DEFB121: variants seen among roughly 807,000 people sequenced by gnomAD.
DEFB121 encodes defensin beta 121.
Under a neutral mutation model 2.5 loss-of-function variants are expected in DEFB121, and 5 were observed. The ratio of observed to expected loss-of-function variants is 1.96; its 90% CI spans 1.03 to 4.13. The LOEUF is 4.13. Ranked by LOEUF, DEFB121 falls within the 30% of genes most tolerant of loss-of-function variation. DEFB121 has a pLI of 0.00. For synonymous variants in DEFB121, 39 were observed against 32.6 expected (o/e 1.20, Z -0.67); for missense variants, 87 against 85.0 (o/e 1.02, Z -0.09).
upstream of DEFB121, among the ~76,000 whole-genome samples, chr20:31,413,767 G>A (rs548080674): frequency 2.0e-5 from 3 of 152,300 alleles, no homozygotes; most frequent in South Asian, 6.2e-4. Flanking sequence ...ATCCTACAAT[G>A]GGCTTAGAAT....
chr20:31,414,801 A>G (rs1211897262), upstream of DEFB121, among the ~76,000 whole-genome samples: 1 of 152,226 alleles, frequency 6.6e-6, no homozygotes, highest in Non-Finnish European at 1.5e-5. Flanking sequence ...CTGTAGTCCC[A>G]GCACTTTGGG....
upstream of DEFB121, among the ~76,000 whole-genome samples, chr20:31,413,521 C>G (rs1978719323): frequency 6.6e-6 from 1 of 152,176 alleles, no homozygotes. Context: ...ATACATGCTG[C>G]ATATCCACTG....
At chr20:31,417,153 C>T (rs530892462), upstream of DEFB121, among the ~76,000 whole-genome samples, 1 of 152,232 alleles carries the variant, frequency 6.6e-6, no homozygotes, top group Admixed American at 6.5e-5. Flanking sequence ...CAAGACCAGC[C>T]TGGCAACATG....
At chr20:31,406,426 G>C (rs1454172788), upstream of DEFB121, among the ~76,000 whole-genome samples, 1 of 152,116 alleles carries the variant, frequency 6.6e-6, no homozygotes, top group Non-Finnish European at 1.5e-5. Flanking sequence ...TACAGCTGGA[G>C]AACCAAGAAG....
upstream of DEFB121, among the ~76,000 whole-genome samples, chr20:31,408,264 C>T (rs6088127): frequency 0.47 from 70,972 of 151,932 alleles, 18,013 homozygotes; most frequent in East Asian, 0.74. Flanking sequence ...AGCAACATAA[C>T]GAGACTCCAT....
At chr20:31,415,402 A>G (rs898887751), upstream of DEFB121, among the ~76,000 whole-genome samples, 1 of 151,980 alleles carries the variant, frequency 6.6e-6, no homozygotes, top group Non-Finnish European at 1.5e-5. Flanking sequence ...GGCACCAGCC[A>G]CCATGCCTGG....
chr20:31,406,024 A>C lies in DEFB121; in HGVS notation c.58+71T>G, dbSNP rs1277475546. On this transcript the variant is annotated intron_variant, in intron 1 of 1. Coordinates refer to ENST00000376314, the MANE Select transcript of DEFB121 (RefSeq NM_001011878.3). Reference sequence around the variant, plus strand: ...GGCCATTCTCCCAGCCCAACCTGTCAGAGTCCCCAGAGTTCTCTGAACATG... The same window carrying C: ...GGCCATTCTCCCAGCCCAACCTGTCCGAGTCCCCAGAGTTCTCTGAACATG... The C allele has an allele frequency of 3.8e-6, 6 of 1,562,398 alleles. No individual in the cohort carries two copies. In the African/African-American group the frequency reaches 8.1e-5, roughly 21 times the overall value.
chr20:31,416,823 G>T (rs1277276928), upstream of DEFB121, among the ~76,000 whole-genome samples: 1 of 152,014 alleles, frequency 6.6e-6, no homozygotes, highest in East Asian at 1.9e-4. Flanking sequence ...AACTATCATG[G>T]GTCTATTTGG....
At chr20:31,413,314 G>A (rs1356103385), upstream of DEFB121, among the ~76,000 whole-genome samples, 1 of 152,162 alleles carries the variant, frequency 6.6e-6, no homozygotes, top group Admixed American at 6.5e-5. Context: ...CACAAGAAAT[G>A]TTTTCTAAAT....
chr20:31,418,216 C>T, the DEFB121 span, among the ~76,000 whole-genome samples: 2 of 130,226 alleles, frequency 1.5e-5, no homozygotes, highest in Admixed American at 1.8e-4. Flanking sequence ...GCCGAGGTCC[C>T]GCCACTGCAC....
upstream of DEFB121, among the ~76,000 whole-genome samples, chr20:31,408,799 G>T (rs893080328): frequency 6.6e-6 from 1 of 152,204 alleles, no homozygotes; most frequent in Non-Finnish European, 1.5e-5. Flanking sequence ...ACTGAGACAG[G>T]TGAATCACCT....
At chr20:31,413,650 T>C (rs73108061), upstream of DEFB121, among the ~76,000 whole-genome samples, 11,971 of 151,896 alleles carry the variant, frequency 0.079, 570 homozygotes, top group Non-Finnish European at 0.1. Flanking sequence ...AGTCTTCAAC[T>C]AGCCATTATA....
chr20:31,416,431 GT>G (rs1978808996), upstream of DEFB121, among the ~76,000 whole-genome samples: 1 of 152,104 alleles, frequency 6.6e-6, no homozygotes, highest in East Asian at 1.9e-4. Flanking sequence ...TAAGTTTTTG[GT>G]TTTAAAAAGT....
At chr20:31,411,209 A>G (rs1568740302), upstream of DEFB121, among the ~76,000 whole-genome samples, 1 of 152,234 alleles carries the variant, frequency 6.6e-6, no homozygotes, top group East Asian at 1.9e-4. Context: ...TGAGCTAAAA[A>G]GGACTTCCCA....
chr20:31,412,788 T>C, exon 1 of DEFB121: 1 of 787,160 alleles, frequency 1.3e-6, no homozygotes, highest in Admixed American at 2.6e-5. Flanking sequence ...AAATTGCATC[T>C]CAAATCTAAG....
chr20:31,413,968 G>A (rs942695377), upstream of DEFB121, among the ~76,000 whole-genome samples: 2 of 152,210 alleles, frequency 1.3e-5, no homozygotes, highest in Non-Finnish European at 1.5e-5. Context: ...AGCACTTTGG[G>A]AGGCTGAGGC....
At chr20:31,412,781 T>C (rs1000213770) in exon 1 of DEFB121, 7 of 858,660 alleles carry the variant, frequency 8.2e-6, no homozygotes, top group South Asian at 1.5e-5. Context: ...AGTTTGAAAA[T>C]TGCATCTCAA....
At chr20:31,407,926 C>T (rs1259051135), upstream of DEFB121, among the ~76,000 whole-genome samples, 1 of 152,082 alleles carries the variant, frequency 6.6e-6, no homozygotes, top group Non-Finnish European at 1.5e-5. Flanking sequence ...TACAGGCACG[C>T]GCCACCACAC....
exon 1 of DEFB121, chr20:31,412,711 A>T: frequency 7.8e-7 from 1 of 1,275,952 alleles, no homozygotes; most frequent in South Asian, 1.2e-5. Flanking sequence ...TCAACGCTCA[A>T]TACAAGGGAC....
Sources: gnomAD v4.1 joint callset for allele counts (sites outside exome capture counted in the v4.1 genomes callset) on GRCh38, gnomAD v4.1.1 for gene constraint, MANE v1.5 for transcripts, NCBI Gene and HGNC (gene_info 2026-07-23, HGNC 2026-07-21) for gene names.